The following PDHB variants were observed in gnomAD, a reference collection of about 807,000 sequenced individuals.
The protein encoded by PDHB is pyruvate dehydrogenase E1 subunit beta.
A neutral mutation model predicts 42.8 loss-of-function variants in PDHB; 17 were observed. The ratio of observed to expected loss-of-function variants is 0.40; its 90% confidence interval spans 0.27 to 0.60. The LOEUF (loss-of-function observed/expected upper bound fraction) is 0.60. Ranked by LOEUF, PDHB falls within the 20% of genes least tolerant of loss-of-function variation. The probability of loss-of-function intolerance (pLI) is 0.46; values close to 1 mark genes in which losing one functional copy is unlikely to be tolerated. For synonymous variants in PDHB, 154 were observed against 148.7 expected (o/e 1.04, Z -0.26); for missense variants, 322 against 451.3 (o/e 0.71, Z 2.60).
intron 6 of PDHB, 126 bp downstream of exon 6, chr3:58,430,531 A>G: frequency 1.2e-6 from 1 of 827,668 alleles, no homozygotes; most frequent in Non-Finnish European, 2.0e-6. Context: ...TCTTTACTAT[A>G]TAAAGTATTA....
Position 58,431,321 on chromosome 3 carries a change from G to A in PDHB, c.303+272C>T, listed in dbSNP as rs2062918266. The A allele has an allele frequency of 4.2e-6, 2 of 480,900 alleles. No homozygotes were observed. The highest frequency in any genetic ancestry group is 3.8e-6 in the Non-Finnish European group (1 of 265,522). 29.8% of individuals were successfully genotyped at this position (480,900 alleles called of 1,614,324 possible). A position where few individuals can be genotyped will look rare whatever the true frequency, so the allele number is the denominator to read the frequency against. On this transcript the variant is annotated intron_variant, in intron 5 of 9. Transcript: ENST00000302746. The surrounding 1 kb of genome is among the most constrained non-coding windows in gnomAD (Gnocchi z 4.4). ...CCCAGCACTTTGGGAGGCCAAGGCGGTCGGATCACTTGAGGCCAGGAGTTC... is the reference window on the plus strand; with the variant it reads ...CCCAGCACTTTGGGAGGCCAAGGCGATCGGATCACTTGAGGCCAGGAGTTC...
intron 8 of PDHB, among the ~76,000 whole-genome samples, chr3:58,429,192 C>T (rs540612962): frequency 3.9e-4 from 60 of 152,290 alleles, no homozygotes; most frequent in African/African-American, 1.3e-3. Flanking sequence ...AAGCACTACA[C>T]TAAGTGTAAT....
At chr3:58,429,496 G>A (rs1036765726) in intron 8 of PDHB, among the ~76,000 whole-genome samples, 1 of 151,658 alleles carries the variant, frequency 6.6e-6, no homozygotes, top group East Asian at 1.9e-4. Context: ...AGCTCCCACT[G>A]TCTCTCAAAA....
intron 8 of PDHB, among the ~76,000 whole-genome samples, chr3:58,429,353 A>G (rs551493298): frequency 6.6e-6 from 1 of 152,226 alleles, no homozygotes; most frequent in South Asian, 2.1e-4. Context: ...AGGTGGGAGC[A>G]TCACTTGGGC....
chr3:58,433,822 C>G lies in PDHB; in HGVS notation c.-13G>C. On this transcript the variant is annotated 5_prime_UTR_variant, in exon 1 of 10. Transcript: ENST00000302746. Reference sequence around the variant, plus strand: ...ACACCGCCGCCATCTTGGTCGTGTCCTCTATCCGCTGCCAAACGACAACAG... The same window carrying G: ...ACACCGCCGCCATCTTGGTCGTGTCGTCTATCCGCTGCCAAACGACAACAG... 1 of 1,608,914 alleles carries G rather than the reference C, an allele frequency of 6.2e-7. No homozygotes were observed. The highest frequency in any genetic ancestry group is 2.2e-5 in the East Asian group (1 of 44,566).
Position 58,429,792 on chromosome 3 carries a change from A to C in PDHB, c.708T>G (p.His236Gln). ...GKAKIERQGT[H>Q]ITVVSHSRPV... ...GTCTTGAATGGGAAACCACAGTTAT[A>C]TGTGTTCCTGAAAACAGAGTGGTCA... The change falls in exon 8 of 10, where the codon CAT (histidine) becomes CAG (glutamine). Residue 236 changes from histidine (H) to glutamine (Q), a missense_variant. By Grantham distance (24) the His-to-Gln change is conservative. Around this residue, in one of 3 missense-constraint regions of PDHB, gnomAD observed 208 missense variants for 285.0 expected, o/e 0.73. Transcript: ENST00000302746. The C allele has an allele frequency of 6.2e-7, 1 of 1,600,380 alleles. No homozygotes were observed.
chr3:58,429,942 C>T, intron 7 of PDHB, 143 bp from the exon 8 acceptor site: 2 of 742,040 alleles, frequency 2.7e-6, no homozygotes, highest in Non-Finnish European at 4.9e-6. Flanking sequence ...GGCAGCCTTC[C>T]TAGAAATGAA....
Position 58,428,601 on chromosome 3 carries a change from C to T in PDHB, c.806G>A (p.Arg269His), listed in dbSNP as rs769187141. 6 of 1,612,654 alleles carry T rather than the reference C, an allele frequency of 3.7e-6. No individual in the cohort carries two copies. Among genetic ancestry groups the T allele is most frequent in the East Asian group, 2.2e-5 (1 of 44,858 alleles). Reference protein sequence around the residue: ...EGVECEVINMRTIRPMDMETI... With the variant: ...EGVECEVINMHTIRPMDMETI... Reference sequence around the variant, plus strand: ...TTCCATGTCCATTGGTCTAATGGTACGCATATTTATCACCTAAACAGGTAA... The same window carrying T: ...TTCCATGTCCATTGGTCTAATGGTATGCATATTTATCACCTAAACAGGTAA... Residue 269 changes from arginine (R) to histidine (H), a missense_variant, in exon 9 of 10, where the codon CGT (arginine) becomes CAT (histidine). Physicochemically the swap from Arg to His is conservative, Grantham distance 29. Around this residue, in one of 3 missense-constraint regions of PDHB, gnomAD observed 208 missense variants for 285.0 expected, o/e 0.73. Coordinates refer to ENST00000302746, the MANE Select transcript of PDHB (RefSeq NM_000925.4).
chr3:58,431,879 T>A lies in PDHB; in HGVS notation c.202A>T (p.Lys68Ter). The A allele has an allele frequency of 6.2e-7, 1 of 1,610,626 alleles. No individual in the cohort carries two copies. The highest frequency in any genetic ancestry group is 8.5e-7 in the Non-Finnish European group (1 of 1,176,748). The change falls in exon 3 of 10, where the codon AAG (lysine) becomes TAG (stop). Residue 68 changes from lysine (K) to a stop codon, truncating the protein, a stop_gained and splice_region_variant. Coordinates refer to ENST00000302746, the MANE Select transcript of PDHB (RefSeq NM_000925.4). LOFTEE classifies it high-confidence loss of function. The surrounding 1 kb of genome is among the most constrained non-coding windows in gnomAD (Gnocchi z 4.4). ...TAACTTTCATATATTTTAGTTACCT[T>A]GTATGCCCCATCATACTGGGCAACT... is the stretch of plus-strand genomic sequence containing the variant. ...EEVAQYDGAY[K>*]VSRGLWKKYG... is the part of the protein sequence containing the mutation.
At chr3:58,428,370 GT>G (rs2062891410) in intron 9 of PDHB, 102 bp downstream of exon 9, 1 of 1,372,072 alleles carries the variant, frequency 7.3e-7, no homozygotes, top group African/African-American at 1.4e-5. Context: ...AGTTGAAGTC[GT>G]TTGGCCACTC....
Position 58,429,792 on chromosome 3 carries a change from A to G in PDHB, c.708T>C (p.His236=), listed in dbSNP as rs2107938396. ...GKAKIERQGT[H]ITVVSHSRPV... is the part of the protein sequence containing the mutation. ...GTCTTGAATGGGAAACCACAGTTAT[A>G]TGTGTTCCTGAAAACAGAGTGGTCA... The change falls in exon 8 of 10, where the codon CAT becomes CAC. Residue 236 remains histidine, a synonymous_variant. Coordinates refer to ENST00000302746, the MANE Select transcript of PDHB (RefSeq NM_000925.4). 1 of 1,600,380 alleles carries G rather than the reference A, an allele frequency of 6.2e-7. No homozygotes were observed. The highest frequency in any genetic ancestry group is 8.6e-7 in the Non-Finnish European group (1 of 1,167,458).
Position 58,433,654 on chromosome 3 carries a change from A to G in PDHB, c.73T>C (p.Trp25Arg), listed in dbSNP as rs1275407768. Reference sequence around the variant, plus strand: ...ACCTGCAGCGCAGCCGGCGCGGTCCAGTGAAAGCGCCTCTTCAGCAGCCCG... The same window carrying G: ...ACCTGCAGCGCAGCCGGCGCGGTCCGGTGAAAGCGCCTCTTCAGCAGCCCG... ...VSGLLKRRFHWTAPAALQVTV... is the reference protein window; with the variant it reads ...VSGLLKRRFHRTAPAALQVTV... Residue 25 changes from tryptophan (W) to arginine (R), a missense_variant, in exon 2 of 10, where the codon TGG becomes CGG. This residue lies in a region of PDHB where 58 missense variants were observed against 42.1 expected (regional missense o/e 1.38). Coordinates refer to ENST00000302746, the MANE Select transcript of PDHB (RefSeq NM_000925.4). The G allele has an allele frequency of 2.5e-6, 4 of 1,612,456 alleles. No homozygotes were observed. Among genetic ancestry groups the G allele is most frequent in the Non-Finnish European group, 2.5e-6 (3 of 1,179,614 alleles).
rs34834843 is a variant in PDHB, at chr3:58,431,043, T to TTTA, written c.304-102_304-101insTAA. 0.31 allele frequency: 368,398 copies of TTTA among 1,171,812 alleles called. 64,753 individuals carry two copies. The highest frequency in any genetic ancestry group is 0.38 in the Middle Eastern group (1,675 of 4,372). The allele number at this position is 1,171,812 out of a possible 1,614,324, so 72.6% of individuals were successfully genotyped here. ...TTCCAACATTCAAATAATGTTTTTA[T>TTTA]TTTTTATTTTTATTTTTTATGGACA... On this transcript the variant is annotated intron_variant, in intron 5 of 9. Coordinates refer to ENST00000302746, the MANE Select transcript of PDHB (RefSeq NM_000925.4). The surrounding 1 kb of genome is among the most constrained non-coding windows in gnomAD (Gnocchi z 4.4).
Position 58,431,453 on chromosome 3 carries a change from C to A in PDHB, c.303+140G>T. ...ACCCCAGCCACTATGGAGGCTGAGG[C>A]AGGAGAATTGCTTGAACCTGGAAGC... On this transcript the variant is annotated intron_variant, in intron 5 of 9. Coordinates refer to ENST00000302746, the MANE Select transcript of PDHB (RefSeq NM_000925.4). The surrounding 1 kb of genome is among the most constrained non-coding windows in gnomAD (Gnocchi z 4.4). 1.3e-6 allele frequency: 1 copy of A among 747,790 alleles called. No individual in the cohort carries two copies. The highest frequency in any genetic ancestry group is 2.1e-5 in the Admixed American group (1 of 47,262). 46.3% of individuals were successfully genotyped at this position (747,790 alleles called of 1,614,324 possible).
intron 7 of PDHB, 122 bp downstream of exon 7, chr3:58,430,006 G>T (rs2062906626): frequency 2.7e-6 from 2 of 744,372 alleles, no homozygotes; most frequent in Non-Finnish European, 4.8e-6. Context: ...GAGAAATTGG[G>T]GCATCTTGAG....
Position 58,433,411 on chromosome 3 carries a change from GT to G in PDHB, c.96+219del, listed in dbSNP as rs1335982020. On this transcript the variant is annotated intron_variant, in intron 2 of 9. Coordinates refer to ENST00000302746, the MANE Select transcript of PDHB (RefSeq NM_000925.4). Reference sequence around the variant, plus strand: ...GTGAGGGAGGAAACGCCTAGTCTTAGTTTTCCCCCATTGCCCAGCCAGCTGT... The same window carrying G: ...GTGAGGGAGGAAACGCCTAGTCTTAGTTTCCCCCATTGCCCAGCCAGCTGT... 1.1e-4 allele frequency: 67 copies of G among 604,188 alleles called. No individual in the cohort carries two copies. In the East Asian group the frequency reaches 1.8e-3, roughly 16 times the overall value. 37.4% of individuals were successfully genotyped at this position (604,188 alleles called of 1,614,324 possible).
chr3:58,433,589 G>T (rs780834096), intron 2 of PDHB, 42 bp downstream of exon 2: 10 of 1,579,840 alleles, frequency 6.3e-6, no homozygotes, highest in African/African-American at 4.0e-5. Context: ...GAGAAGGGGG[G>T]ACCCTCCCCG....
At position 58,429,716 on chromosome 3, in the gene PDHB, C is replaced by G; in HGVS notation, c.784G>C (p.Glu262Gln). Residue 262 changes from glutamate to glutamine, a missense_variant, in exon 8 of 10, where the codon GAA becomes CAA. By Grantham distance (29) the Glu-to-Gln change is conservative. Transcript: ENST00000302746. ...AGTAAATGTCCACTCACCTCACATT[C>G]AACTCCTTCTTTAGATAGCACTGCT... ...AAAVLSKEGV[E>Q]CEVINMRTIR... 1.9e-6 allele frequency: 3 copies of G among 1,601,196 alleles called. No homozygotes were observed. The highest frequency in any genetic ancestry group is 2.6e-6 in the Non-Finnish European group (3 of 1,168,210).
rs1353541792 is a variant in PDHB, at chr3:58,427,853, G to C, written c.*181C>G. ...CAGACAAAAGGAAGCATGGCATCTA[G>C]GGGAGGAGAGTGGAGAGTTTTCCAT... is the stretch of plus-strand genomic sequence containing the variant. On this transcript the variant is annotated 3_prime_UTR_variant, in exon 10 of 10. Transcript: ENST00000302746. 4.5e-6 allele frequency: 3 copies of C among 666,784 alleles called. No individual in the cohort carries two copies. The highest frequency in any genetic ancestry group is 4.1e-5 in the Admixed American group (2 of 48,924). The allele number at this position is 666,784 out of a possible 1,614,324, so 41.3% of individuals were successfully genotyped here.
Sources: allele counts gnomAD v4.1 joint callset (sites outside exome capture counted in the v4.1 genomes callset), GRCh38; gene constraint gnomAD v4.1.1; regional missense constraint gnomAD v4.1.1; non-coding constraint Gnocchi (gnomAD v3.1); transcripts MANE v1.5; gene names NCBI Gene and HGNC (gene_info 2026-07-23, HGNC 2026-07-21).